The following PAK6 variants were observed in gnomAD, a reference collection of about 807,000 sequenced individuals.
The protein encoded by PAK6 is p21 (RAC1) activated kinase 6, also known as serine/threonine-protein kinase PAK 6.
Under a neutral mutation model 60.8 loss-of-function variants are expected in PAK6, and 33 were observed. That is an observed-to-expected ratio of 0.54 (90% CI 0.41 to 0.73). The LOEUF is 0.73. PAK6 is among the 30% of genes least tolerant of loss of function. The pLI is 0.00. For synonymous variants in PAK6, 404 were observed against 378.5 expected (o/e 1.07, Z -0.78); for missense variants, 845 against 904.1 (o/e 0.93, Z 0.84).
At chr15:40,253,068 G>C (rs780551276) in intron 2 of PAK6, 110 bp from the exon 3 acceptor site, 2 of 395,030 alleles carry the variant, frequency 5.1e-6, no homozygotes, top group Non-Finnish European at 1.0e-5. Context: ...GAGTTCAGTC[G>C]GGAGGCGGGC....
intron 3 of PAK6, among the ~76,000 whole-genome samples, chr15:40,256,179 C>A (rs1027225207): frequency 2.6e-5 from 4 of 152,138 alleles, no homozygotes; most frequent in South Asian, 2.1e-4. Flanking sequence ...AAGCTCTGAT[C>A]GCGCCACTGC....
At chr15:40,257,026 A>G (rs1439991133) in intron 3 of PAK6, 1 of 152,222 alleles carries the variant, frequency 6.6e-6, no homozygotes, top group Non-Finnish European at 1.5e-5. Context: ...ACTTAGGAAC[A>G]CCAAGCCCAA....
chr15:40,276,522 C>G (rs1020717085), exon 11 of PAK6: 1 of 162,176 alleles, frequency 6.2e-6, no homozygotes, highest in Non-Finnish European at 1.3e-5. Flanking sequence ...CCTCGAGTCT[C>G]GAGAGGGCCA....
At chr15:40,257,463 G>A (rs1053414036) in intron 3 of PAK6, among the ~76,000 whole-genome samples, 3 of 151,428 alleles carry the variant, frequency 2.0e-5, no homozygotes, top group Admixed American at 2.0e-4. Context: ...GGGTCAGGTG[G>A]GTGACCACGT....
intron 3 of PAK6, among the ~76,000 whole-genome samples, chr15:40,254,099 C>T (rs935580302): frequency 2.0e-5 from 3 of 152,236 alleles, no homozygotes; most frequent in Middle Eastern, 3.4e-3. Context: ...CATTTGGAAC[C>T]GAAGAGAGTG....
exon 5 of PAK6, chr15:40,266,392 G>A (rs752963669): frequency 3.0e-5 from 49 of 1,613,082 alleles, no homozygotes; most frequent in Middle Eastern, 3.3e-4. Flanking sequence ...CCTAAGACCC[G>A]GGAGAGCAGC....
intron 3 of PAK6, among the ~76,000 whole-genome samples, chr15:40,261,514 G>A (rs2038985315): frequency 6.6e-6 from 1 of 151,982 alleles, no homozygotes; most frequent in Non-Finnish European, 1.5e-5. Context: ...TCCAGCCCGG[G>A]CAAGACAGCG....
chr15:40,267,821 G>A (rs922523175), intron 5 of PAK6, among the ~76,000 whole-genome samples: 38 of 152,328 alleles, frequency 2.5e-4, no homozygotes, highest in African/African-American at 8.9e-4. Context: ...TGCCCCTGGG[G>A]AGACTCAGCC....
Position 40,273,061 on chromosome 15 carries a change from C to T in PAK6, c.1490+62C>T. On this transcript the variant is annotated intron_variant, in intron 7 of 10. Coordinates refer to ENST00000560346, the Ensembl canonical transcript of PAK6. Reference sequence around the variant, plus strand: ...TGCCCTCACCATGGCCCTGCCAGGGCAATGTGGTCTTCTGCCTGTGGCCCA... The same window carrying T: ...TGCCCTCACCATGGCCCTGCCAGGGTAATGTGGTCTTCTGCCTGTGGCCCA... The T allele has an allele frequency of 3.8e-6, 6 of 1,584,312 alleles. No homozygotes were observed. The South Asian group carries it at 5.7e-5, about 15-fold the overall frequency.
intron 9 of PAK6, 92 bp downstream of exon 9, chr15:40,273,768 G>A: frequency 6.8e-7 from 1 of 1,478,462 alleles, no homozygotes; most frequent in Non-Finnish European, 9.2e-7. Context: ...CTCACCAAAA[G>A]CAGCCCTGGT....
chr15:40,274,900 A>C (rs907267254), intron 10 of PAK6, among the ~76,000 whole-genome samples: 1 of 152,240 alleles, frequency 6.6e-6, no homozygotes, highest in Non-Finnish European at 1.5e-5. Flanking sequence ...TCTGGTGGCC[A>C]AAACAAGAAA....
chr15:40,240,729 C>T (rs753541611), intron 2 of PAK6, 48 bp downstream of exon 2: 10 of 429,556 alleles, frequency 2.3e-5, no homozygotes, highest in Admixed American at 1.1e-4. Flanking sequence ...GGGCTAGGGA[C>T]GGGGGTGCCA....
chr15:40,268,870 C>G (rs1285656955), intron 5 of PAK6, among the ~76,000 whole-genome samples: 2 of 152,194 alleles, frequency 1.3e-5, no homozygotes, highest in African/African-American at 2.4e-5. Flanking sequence ...TACATGGCAC[C>G]AGTGGGATTG....
intron 3 of PAK6, chr15:40,263,969 A>C (rs1444782369): frequency 2.2e-6 from 1 of 455,882 alleles, no homozygotes; most frequent in Non-Finnish European, 4.4e-6. Flanking sequence ...TGTCAAGGGG[A>C]GGTGGTGCTC....
chr15:40,251,233 G>A (rs2038659108), intron 2 of PAK6: 1 of 152,276 alleles, frequency 6.6e-6, no homozygotes, highest in African/African-American at 2.4e-5. Context: ...AGCAGGGTAT[G>A]GTTAGCTGGC....
At chr15:40,266,081 C>T (rs369750707) in exon 5 of PAK6, 57 of 1,609,960 alleles carry the variant, frequency 3.5e-5, no homozygotes, top group African/African-American at 9.4e-5. Flanking sequence ...TCAGCTGCAA[C>T]GGGGGCACAC....
chr15:40,276,173 G>A (rs1188852213), exon 11 of PAK6: 8 of 1,317,428 alleles, frequency 6.1e-6, no homozygotes, highest in South Asian at 1.2e-5. Flanking sequence ...GGACTTGCCT[G>A]CCTCCTCCTC....
In PAK6 at chr15:40,265,408, C is replaced by T. The variant is rs35490104; in HGVS notation, c.204+419C>T. 5.3e-3 allele frequency among the ~76,000 whole-genome samples: 813 copies of T among 152,312 alleles called. 2 individuals are homozygous for T. Among genetic ancestry groups the T allele is most frequent in the Admixed American group, 8.5e-3 (130 of 15,302 alleles). On this transcript the variant is annotated intron_variant, in intron 4 of 10. Transcript: ENST00000560346. ...GCCTGGTAGAAGGTGGGGTCAGGGG[C>T]CCTATCAGGGTTTGGAGGCTGCGAA...
chr15:40,243,619 C>A (rs555636844), intron 2 of PAK6, among the ~76,000 whole-genome samples: 2 of 152,138 alleles, frequency 1.3e-5, no homozygotes. Flanking sequence ...AAAGGCTTCA[C>A]GGAGGAGGTG....
Sources: gnomAD v4.1 joint callset for allele counts (sites outside exome capture counted in the v4.1 genomes callset) on GRCh38, gnomAD v4.1.1 for gene constraint, MANE v1.5 for transcripts, NCBI Gene and HGNC (gene_info 2026-07-23, HGNC 2026-07-21) for gene names.